Variants in ERG observed in about 807,000 individuals in gnomAD.
The protein encoded by ERG is transcriptional regulator ERG.
Under a neutral mutation model 55.3 loss-of-function variants are expected in ERG, and 9 were observed. The observed-to-expected ratio is 0.16, with a 90% CI of 0.10 to 0.28. ERG has a LOEUF of 0.28. Among genes scored for constraint, ERG ranks in the 10% least tolerant of loss-of-function variants. The pLI is 1.00. For synonymous variants in ERG, 223 were observed against 237.3 expected, an observed-to-expected ratio of 0.94 and a Z score of 0.55; for missense variants, 434 against 631.6, an observed-to-expected ratio of 0.69 and a Z score of 3.35.
At position 38,649,118 on chromosome 21, in the gene ERG, A is replaced by C. The variant is rs150956393; in HGVS notation, c.-150+12540T>G. Among the ~76,000 whole-genome samples the C allele has an allele frequency of 3.7e-3, 567 of 152,340 alleles. 4 individuals carry two copies. The highest frequency in any genetic ancestry group is 0.013 in the African/African-American group (545 of 41,572). On this transcript the variant is annotated intron_variant, in intron 1 of 10. Transcript: ENST00000398910. ...AAACTCGATGGTTCTCATTAATCCA[A>C]GTTTAACTAAACACAACAGTTTCCA...
chr21:38,523,956 C>T (rs16997997), intron 2 of ERG, among the ~76,000 whole-genome samples: 2,418 of 152,302 alleles, frequency 0.016, 67 homozygotes, highest in African/African-American at 0.055. Context: ...ATTTAAGAGA[C>T]ACTTTGTTTT....
At chr21:38,656,488 A>G (rs763635899) in intron 1 of ERG, among the ~76,000 whole-genome samples, 156 of 152,192 alleles carry the variant, frequency 1.0e-3, no homozygotes, top group Non-Finnish European at 1.8e-3. Flanking sequence ...GCACAAGCTA[A>G]TATTTCCTTA....
At chr21:38,465,881 T>C (rs988505517) in intron 1 of ERG, among the ~76,000 whole-genome samples, 9 of 152,020 alleles carry the variant, frequency 5.9e-5, no homozygotes, top group East Asian at 1.9e-4. Flanking sequence ...AAACTAGAGA[T>C]TGAAATAAGG....
intron 1 of ERG, among the ~76,000 whole-genome samples, chr21:38,593,483 G>C (rs1026122013): frequency 1.3e-5 from 2 of 152,164 alleles, no homozygotes; most frequent in Non-Finnish European, 2.9e-5. Flanking sequence ...ATATCTTTGA[G>C]AACACAATCT....
At chr21:38,463,405 A>T (rs898931291) in intron 1 of ERG, among the ~76,000 whole-genome samples, 1 of 152,164 alleles carries the variant, frequency 6.6e-6, no homozygotes, top group African/African-American at 2.4e-5. Context: ...GGAGCAGGAG[A>T]TTCGTCAGGG....
At chr21:38,473,157 C>A in intron 1 of ERG, among the ~76,000 whole-genome samples, 1 of 83,406 alleles carries the variant, frequency 1.2e-5, no homozygotes. Flanking sequence ...GGAGGATGCG[C>A]TCAAAAAAAA....
intron 2 of ERG, among the ~76,000 whole-genome samples, chr21:38,561,450 C>T (rs1032348534): frequency 6.7e-6 from 1 of 149,166 alleles, no homozygotes; most frequent in Non-Finnish European, 1.5e-5. Context: ...AAATTCTACA[C>T]AATCCTTTTT....
intron 2 of ERG, among the ~76,000 whole-genome samples, chr21:38,538,452 G>A (rs2059727687): frequency 6.6e-6 from 1 of 152,002 alleles, no homozygotes; most frequent in Admixed American, 6.6e-5. Flanking sequence ...CAAGGAGATA[G>A]AATTGTGTCC....
At chr21:38,539,113 G>C (rs935262153) in intron 2 of ERG, among the ~76,000 whole-genome samples, 1 of 152,206 alleles carries the variant, frequency 6.6e-6, no homozygotes, top group African/African-American at 2.4e-5. Flanking sequence ...TGCTGAGGCT[G>C]TAAACTAATG....
In ERG at chr21:38,529,686, C is replaced by G. The variant is rs545078564; in HGVS notation, c.-41+45976G>C. On this transcript the variant is annotated intron_variant, in intron 2 of 8. Transcript: ENST00000398897. ...TTCCATTAAGATACACATGGCTGGC[C>G]AGGCGCGGTGGCTCATGCCTGTAAT... Among the ~76,000 whole-genome samples the G allele has an allele frequency of 1.1e-4, 16 of 152,266 alleles. No homozygotes were observed. In the South Asian group the frequency reaches 3.3e-3, roughly 32 times the overall value.
At chr21:38,587,722 T>C (rs1390877815), upstream of ERG, among the ~76,000 whole-genome samples, 1 of 152,224 alleles carries the variant, frequency 6.6e-6, no homozygotes, top group African/African-American at 2.4e-5. Flanking sequence ...TATTGCTTGG[T>C]TAACTGTTTT....
chr21:38,527,438 A>G (rs1008321544), intron 2 of ERG, among the ~76,000 whole-genome samples: 4 of 152,202 alleles, frequency 2.6e-5, no homozygotes, highest in African/African-American at 9.6e-5. Flanking sequence ...GAGGACAGAG[A>G]GAATGCTTAG....
In ERG at chr21:38,598,374, A is replaced by AGG. The variant is rs547804171; in HGVS notation, c.-149-13431_-149-13430dup. Among the ~76,000 whole-genome samples the AGG allele has an allele frequency of 2.7e-4, 41 of 152,356 alleles. No homozygotes were observed. The East Asian group carries it at 6.0e-3, about 22-fold the overall frequency. On this transcript the variant is annotated intron_variant, in intron 1 of 10. Coordinates refer to the ERG transcript ENST00000398910. ...CATGGAAGCGCAGGCAGCAGAGTGC[A>AGG]GGCACAGAGGCTAGCAGTGACCATC...
chr21:38,559,979 G>A (rs945089517), intron 2 of ERG, among the ~76,000 whole-genome samples: 2 of 152,144 alleles, frequency 1.3e-5, no homozygotes, highest in Admixed American at 6.5e-5. Flanking sequence ...CACCACACCC[G>A]GCCTCATCTT....
At chr21:38,608,574 A>C (rs1238868337) in intron 1 of ERG, among the ~76,000 whole-genome samples, 1 of 152,200 alleles carries the variant, frequency 6.6e-6, no homozygotes, top group Non-Finnish European at 1.5e-5. Context: ...AATTAGTACA[A>C]TGATTCTCAG....
chr21:38,510,511 A>C (rs2059503291), intron 2 of ERG, among the ~76,000 whole-genome samples: 1 of 152,210 alleles, frequency 6.6e-6, no homozygotes, highest in Admixed American at 6.6e-5. Context: ...GGTTTTGCCT[A>C]ATCTGTAAAT....
At chr21:38,618,314 A>G (rs1164411929) in intron 1 of ERG, among the ~76,000 whole-genome samples, 1 of 152,230 alleles carries the variant, frequency 6.6e-6, no homozygotes, top group Admixed American at 6.5e-5. Flanking sequence ...AAAGATAAAA[A>G]TGAAAACAGG....
chr21:38,496,298 AAAAC>A (rs1221795270), intron 1 of ERG, among the ~76,000 whole-genome samples: 2 of 152,216 alleles, frequency 1.3e-5, no homozygotes, highest in Non-Finnish European at 2.9e-5. Context: ...AAACAACAAA[AAAAC>A]AGAGTGCATT....
upstream of ERG, among the ~76,000 whole-genome samples, chr21:38,503,365 G>A (rs2059435400): frequency 2.1e-5 from 2 of 95,182 alleles, no homozygotes; most frequent in Admixed American, 1.0e-4. Context: ...CAAGCATAGA[G>A]CTCTTTTTTT....
Sources: gnomAD v4.1 joint callset for allele counts (sites outside exome capture counted in the v4.1 genomes callset) on GRCh38, gnomAD v4.1.1 for gene constraint, MANE v1.5 for transcripts, NCBI Gene and HGNC (gene_info 2026-07-23, HGNC 2026-07-21) for gene names.